PADI1: variants seen among roughly 807,000 people sequenced by gnomAD.
PADI1 encodes peptidyl arginine deiminase 1.
In PADI1, 65 loss-of-function variants were observed where a neutral mutation model predicts 74.8. The observed-to-expected ratio is 0.87, with a 90% CI of 0.71 to 1.07. The LOEUF (loss-of-function observed/expected upper bound fraction) is 1.07, where lower values mean the gene tolerates loss of function less well. PADI1 is among the 50% of genes least tolerant of loss of function. The pLI is 0.00. For missense variants in PADI1, 943 were observed against 854.0 expected, an observed-to-expected ratio of 1.10 and a Z score of -1.30; for synonymous variants, 371 against 336.2, an observed-to-expected ratio of 1.10 and a Z score of -1.13.
At chr1:17,223,755 G>A (rs1375559527) in intron 3 of PADI1, 62 bp downstream of exon 3, 6 of 1,355,078 alleles carry the variant, frequency 4.4e-6, no homozygotes, top group African/African-American at 1.4e-5. Context: ...ACTGTTTGAG[G>A]GTCTTAGTGG....
intron 1 of PADI1, among the ~76,000 whole-genome samples, chr1:17,211,537 T>G (rs1256566785): frequency 6.6e-6 from 1 of 152,096 alleles, no homozygotes. Flanking sequence ...ACTACTATAA[T>G]CCCCATTTGC....
chr1:17,240,458 G>A (rs2072751142), intron 14 of PADI1, 177 bp from the exon 15 acceptor site: 2 of 620,742 alleles, frequency 3.2e-6, no homozygotes, highest in African/African-American at 3.7e-5. Flanking sequence ...CACTTGAGCA[G>A]GTTGCCTGAG....
rs1165150465 is a variant in PADI1 at position 17,239,511 on chromosome 1, C to A, written c.1553-193C>A. 3 of 555,678 alleles carry A rather than the reference C, an allele frequency of 5.4e-6. No individual in the cohort carries two copies. In the African/African-American group the frequency reaches 5.7e-5, roughly 10 times the overall value. 34.4% of individuals were successfully genotyped at this position (555,678 alleles called of 1,614,324 possible). On this transcript the variant is annotated intron_variant, in intron 13 of 15. Coordinates refer to ENST00000375471, the MANE Select transcript of PADI1 (RefSeq NM_013358.3). Reference sequence around the variant, plus strand: ...AGTCACTTCCTGAGGGGTTCCTTATCCATCACCAGGTTTTCCTTGCAGCCA... The same window carrying A: ...AGTCACTTCCTGAGGGGTTCCTTATACATCACCAGGTTTTCCTTGCAGCCA...
At chr1:17,238,280 G>A (rs906380858) in intron 12 of PADI1, among the ~76,000 whole-genome samples, 15 of 152,220 alleles carry the variant, frequency 9.9e-5, no homozygotes, top group African/African-American at 3.4e-4. Flanking sequence ...GACTGCAGGT[G>A]ATCTGCCCAC....
intron 15 of PADI1, among the ~76,000 whole-genome samples, chr1:17,242,782 A>G (rs2072803524): frequency 6.6e-6 from 1 of 152,188 alleles, no homozygotes; most frequent in Non-Finnish European, 1.5e-5. Context: ...CCCCAATCCC[A>G]TGACTCCTCC....
At chr1:17,239,874 G>T in intron 14 of PADI1, 91 bp downstream of exon 14, 1 of 1,028,674 alleles carries the variant, frequency 9.7e-7, no homozygotes, top group South Asian at 1.4e-5. Flanking sequence ...GAGATTCAGC[G>T]CTGGAGCTCT....
chr1:17,239,649 AGAC>A (rs1360472652), intron 13 of PADI1, 52 bp from the exon 14 acceptor site: 2 of 1,328,782 alleles, frequency 1.5e-6, no homozygotes, highest in African/African-American at 2.9e-5. Context: ...CCCAGGCTGA[AGAC>A]GGCCTCCAGG....
intron 11 of PADI1, among the ~76,000 whole-genome samples, chr1:17,234,397 G>C (rs114016720): frequency 6.6e-6 from 1 of 152,174 alleles, no homozygotes; most frequent in East Asian, 1.9e-4. Flanking sequence ...TAAAGAATTC[G>C]TGTCAACCAC....
chr1:17,245,247 T>C lies in PADI1; in HGVS notation c.*1004T>C, dbSNP rs1280248781. 3 of 152,636 alleles carry C rather than the reference T, an allele frequency of 2.0e-5. No individual in the cohort carries two copies. Among genetic ancestry groups the C allele is most frequent in the Non-Finnish European group, 4.4e-5 (3 of 68,054 alleles). 9.5% of individuals were successfully genotyped at this position (152,636 alleles called of 1,614,324 possible). ...ATAGTCTTTAATTATTCCCCTTCAT[T>C]CTGCAGGCAGTGGGAGGGGAAGGCT... On this transcript the variant is annotated 3_prime_UTR_variant, in exon 16 of 16. Coordinates refer to ENST00000375471, the MANE Select transcript of PADI1 (RefSeq NM_013358.3). The surrounding 1 kb of genome is among the most constrained non-coding windows in gnomAD (Gnocchi z 4.1).
intron 11 of PADI1, 51 bp downstream of exon 11, chr1:17,233,021 T>G (rs1378217056): frequency 6.8e-7 from 1 of 1,480,210 alleles, no homozygotes; most frequent in Non-Finnish European, 9.1e-7. Context: ...GACTGCAGCA[T>G]CCACCCTCCC....
At chr1:17,218,458 C>A (rs1415382303) in intron 1 of PADI1, among the ~76,000 whole-genome samples, 2 of 152,014 alleles carry the variant, frequency 1.3e-5, no homozygotes, top group African/African-American at 4.8e-5. Context: ...GGAAAGGCCA[C>A]GGAGTCAGAG....
chr1:17,237,292 C>G (rs2072666966), intron 11 of PADI1, 22 bp from the exon 12 acceptor site: 2 of 1,588,328 alleles, frequency 1.3e-6, no homozygotes, highest in Non-Finnish European at 1.7e-6. Context: ...AGGTGACTGC[C>G]CGCCCTCTCC....
At chr1:17,220,538 T>A (rs895630719) in intron 1 of PADI1, among the ~76,000 whole-genome samples, 1 of 152,094 alleles carries the variant, frequency 6.6e-6, no homozygotes, top group African/African-American at 2.4e-5. Context: ...TTACAGGTGT[T>A]GGGGATGCAG....
chr1:17,238,743 C>T, intron 13 of PADI1, 34 bp downstream of exon 13: 4 of 1,200,458 alleles, frequency 3.3e-6, no homozygotes, highest in Non-Finnish European at 4.5e-6. Flanking sequence ...CCCTGGGGGA[C>T]CCTGCCCTTT....
chr1:17,236,786 GAAAA>G (rs963478223), intron 11 of PADI1, among the ~76,000 whole-genome samples: 1 of 150,570 alleles, frequency 6.6e-6, no homozygotes, highest in African/African-American at 2.4e-5. Flanking sequence ...GAGAAAGAAA[GAAAA>G]AAAGAAAGGA....
chr1:17,224,492 T>C (rs2072254992), intron 4 of PADI1, 64 bp downstream of exon 4: 1 of 1,231,206 alleles, frequency 8.1e-7, no homozygotes, highest in Non-Finnish European at 1.2e-6. Context: ...TGGTCCCGGG[T>C]GGATTGTGCC....
rs763449344 is a variant in PADI1 at position 17,226,168 on chromosome 1, C to A, written c.652+10C>A. 3.7e-6 allele frequency: 6 copies of A among 1,613,892 alleles called. No individual in the cohort carries two copies. The highest frequency in any genetic ancestry group is 1.3e-5 in the African/African-American group (1 of 75,052). On this transcript the variant is annotated intron_variant, in intron 6 of 15. Coordinates refer to ENST00000375471, the MANE Select transcript of PADI1 (RefSeq NM_013358.3). ...GTCTTCTGTGCCAGGGGTGAGTGGC[C>A]TGATGGGGCCTTTTCCTCCCAGCTC...
chr1:17,209,573 G>C (rs2071782359), intron 1 of PADI1, among the ~76,000 whole-genome samples: 1 of 152,126 alleles, frequency 6.6e-6, no homozygotes, highest in African/African-American at 2.4e-5. Context: ...GGACTGGCTG[G>C]GAATCTCTCC....
At chr1:17,226,584 C>A (rs1361090009) in intron 6 of PADI1, among the ~76,000 whole-genome samples, 1 of 152,208 alleles carries the variant, frequency 6.6e-6, no homozygotes, top group African/African-American at 2.4e-5. Context: ...GCCCCAGAAC[C>A]TGTCTTTCTC....
Sources: allele counts gnomAD v4.1 joint callset (sites outside exome capture counted in the v4.1 genomes callset), GRCh38; gene constraint gnomAD v4.1.1; non-coding constraint Gnocchi (gnomAD v3.1); transcripts MANE v1.5; gene names NCBI Gene and HGNC (gene_info 2026-07-23, HGNC 2026-07-21).